PLCXD1: variants seen among roughly 807,000 people sequenced by gnomAD.
The protein encoded by PLCXD1 is phosphatidylinositol specific phospholipase C X domain containing 1, also known as PI-PLC X domain-containing protein 1.
PLCXD1 carries 45 observed loss-of-function variants against 37.8 expected under a neutral mutation model. The ratio of observed to expected loss-of-function variants is 1.19; its 90% CI spans 0.94 to 1.53. The LOEUF (loss-of-function observed/expected upper bound fraction) is 1.53. PLCXD1 is among the 40% of genes most tolerant of loss of function. The pLI is 0.00. For synonymous variants in PLCXD1, 246 were observed against 206.9 expected (o/e 1.19, Z -1.62); for missense variants, 539 against 454.7 (o/e 1.19, Z -1.69).
At position 300,810 on chromosome X, in the gene PLCXD1, TCTC is replaced by T. The variant is rs1451062520; in HGVS notation, c.*1478_*1480del. 6.6e-6 allele frequency: 1 copy of T among 150,446 alleles called. No individual in the cohort carries two copies. The highest frequency in any genetic ancestry group is 1.5e-5 in the Non-Finnish European group (1 of 67,622). 9.3% of individuals were successfully genotyped at this position (150,446 alleles called of 1,614,324 possible). ...CCTCCGCCTCCCTGGTTCAAGCAAT[TCTC>T]CTGCCTCCGCCTCCCGAGTAGCTGG... On this transcript the variant is annotated 3_prime_UTR_variant, in exon 7 of 7. Coordinates refer to ENST00000381657, the MANE Select transcript of PLCXD1 (RefSeq NM_018390.4).
At chrX:290,230 G>A (rs148854827) in intron 3 of PLCXD1, among the ~76,000 whole-genome samples, 2,810 of 152,104 alleles carry the variant, frequency 0.018, 70 homozygotes, top group African/African-American at 0.056. Flanking sequence ...GATCGAGACC[G>A]TCCTGGCTAA....
intron 5 of PLCXD1, among the ~76,000 whole-genome samples, chrX:292,749 A>T (rs1398346666): frequency 1.3e-5 from 2 of 151,800 alleles, no homozygotes; most frequent in Non-Finnish European, 2.9e-5. Context: ...ACTAGCCGGG[A>T]TGACAGGCGT....
Position 297,497 on chromosome X carries a change from T to G in PLCXD1, c.734-1600T>G, listed in dbSNP as rs1307103976. ...ACATGGGGATTAGGACGTGGACATC[T>G]TTGGGGCTGTTATTCTGTCTCCCAC... On this transcript the variant is annotated intron_variant, in intron 6 of 6. Transcript: ENST00000381657. Among the ~76,000 whole-genome samples the G allele has an allele frequency of 3.0e-5, 2 of 66,608 alleles. 1 individual carries two copies. Among genetic ancestry groups the G allele is most frequent in the Non-Finnish European group, 5.5e-5 (2 of 36,322 alleles). 43.7% of individuals were successfully genotyped at this position (66,608 alleles called of 152,430 possible).
chrX:282,962 ATG>A (rs1386213058), intron 1 of PLCXD1, among the ~76,000 whole-genome samples: 2 of 145,956 alleles, frequency 1.4e-5, no homozygotes, highest in Non-Finnish European at 3.0e-5. Context: ...TATATTATAT[ATG>A]TATATATTAT....
At chrX:285,328 A>G (rs866905140) in intron 2 of PLCXD1, among the ~76,000 whole-genome samples, 2 of 147,834 alleles carry the variant, frequency 1.4e-5, no homozygotes, top group East Asian at 1.9e-4. Context: ...GCGGGTGTGT[A>G]CACATGCACA....
chrX:284,356 G>A (rs922740950), intron 2 of PLCXD1, 42 bp downstream of exon 2: 5 of 1,609,156 alleles, frequency 3.1e-6, no homozygotes, highest in East Asian at 2.2e-5. Flanking sequence ...TCTATCCCAG[G>A]TGACGGCAGG....
chrX:289,632 C>T (rs1260452327), intron 3 of PLCXD1, among the ~76,000 whole-genome samples: 5 of 151,440 alleles, frequency 3.3e-5, no homozygotes, highest in African/African-American at 1.2e-4. Flanking sequence ...CTGTCTCAGC[C>T]TCCTGAGTAG....
chrX:284,503 C>T (rs28753871), intron 2 of PLCXD1, among the ~76,000 whole-genome samples, 189 bp downstream of exon 2: 53,697 of 152,056 alleles, frequency 0.35, 10,881 homozygotes, highest in East Asian at 0.53. Flanking sequence ...TGTGCATACA[C>T]ATATGTACAT....
upstream of PLCXD1, among the ~76,000 whole-genome samples, chrX:279,639 TG>T (rs2069220580): frequency 6.6e-6 from 1 of 151,880 alleles, no homozygotes; most frequent in Non-Finnish European, 1.5e-5. Flanking sequence ...CTGGGAATGG[TG>T]GCAAGTGCTT....
At chrX:291,963 C>G (rs774068291) in intron 5 of PLCXD1, among the ~76,000 whole-genome samples, 26 of 148,106 alleles carry the variant, frequency 1.8e-4, no homozygotes, top group African/African-American at 6.5e-4. Context: ...GTCAAGAGAT[C>G]GAGACTATCC....
intron 2 of PLCXD1, among the ~76,000 whole-genome samples, chrX:287,976 C>T (rs1276274880): frequency 6.6e-6 from 1 of 150,904 alleles, no homozygotes; most frequent in Non-Finnish European, 1.5e-5. Flanking sequence ...GACCACACGT[C>T]CTCCTGAGGC....
At chrX:295,843 G>C (rs188171834) in intron 6 of PLCXD1, among the ~76,000 whole-genome samples, 6 of 151,042 alleles carry the variant, frequency 4.0e-5, no homozygotes, top group Non-Finnish European at 5.9e-5. Flanking sequence ...TTTTTTGTTT[G>C]TGTGTTTGTT....
In PLCXD1 at chrX:300,208, T is replaced by C. The variant is rs758487693; in HGVS notation, c.*873T>C. 6.6e-6 allele frequency: 1 copy of C among 152,184 alleles called. No individual in the cohort carries two copies. The highest frequency in any genetic ancestry group is 1.5e-5 in the Non-Finnish European group (1 of 68,024). The allele number at this position is 152,184 out of a possible 1,614,324, so 9.4% of individuals were successfully genotyped here. On this transcript the variant is annotated 3_prime_UTR_variant, in exon 7 of 7. Transcript: ENST00000381657. ...AGCCCATAATATGTTTTCTTATTTC[T>C]GTATTCTCCTTGCTGTGGCGTCTGG...
chrX:288,773 C>T lies in PLCXD1; in HGVS notation c.168C>T (p.Ser56=). The change falls in exon 3 of 7, where the codon TCC becomes TCT. Residue 56 remains serine (S), a synonymous_variant. Transcript: ENST00000381657. Reference sequence around the variant, plus strand: ...TGACGTACTGCCTGAACAAGAAGTCCCCCATTTCGCACGAGGAGTCCCGGC... The same window carrying T: ...TGACGTACTGCCTGAACAAGAAGTCTCCCATTTCGCACGAGGAGTCCCGGC... ...DTMTYCLNKK[S]PISHEESRLL... is the part of the protein sequence containing the mutation. The T allele has an allele frequency of 1.2e-6, 2 of 1,613,796 alleles. No homozygotes were observed. Among genetic ancestry groups the T allele is most frequent in the East Asian group, 2.2e-5 (1 of 44,890 alleles).
intron 3 of PLCXD1, among the ~76,000 whole-genome samples, chrX:289,712 T>A (rs1406719041): frequency 6.7e-6 from 1 of 149,072 alleles, no homozygotes; most frequent in Non-Finnish European, 1.5e-5. Context: ...AGGGTTTCAC[T>A]GTGTTAGCCA....
At chrX:286,087 G>A (rs571058304) in intron 2 of PLCXD1, among the ~76,000 whole-genome samples, 165 of 151,148 alleles carry the variant, frequency 1.1e-3, no homozygotes, top group African/African-American at 3.8e-3. Context: ...TTTTTGAGAC[G>A]GAGTTTTGCT....
chrX:288,515 C>T (rs1052403690), intron 2 of PLCXD1, among the ~76,000 whole-genome samples: 2 of 152,176 alleles, frequency 1.3e-5, no homozygotes, highest in African/African-American at 4.8e-5. Flanking sequence ...CTCATTTCAA[C>T]CTAATGATAT....
Position 284,204 on chromosome X carries a change from G to A in PLCXD1, c.17G>A (p.Ser6Asn). The A allele has an allele frequency of 6.2e-7, 1 of 1,613,380 alleles. No individual in the cohort carries two copies. The highest frequency in any genetic ancestry group is 8.5e-7 in the Non-Finnish European group (1 of 1,179,838). MGGQV[S>N]ASNSFSRLHC... is the part of the protein sequence containing the mutation. ...TCACCTCTGATGGGTGGGCAGGTGA[G>A]CGCTTCCAACAGCTTCTCGAGGCTG... The change falls in exon 2 of 7, where the codon AGC becomes AAC. Residue 6 changes from serine (S) to asparagine (N), a missense_variant. Transcript: ENST00000381657.
intron 6 of PLCXD1, among the ~76,000 whole-genome samples, chrX:293,949 G>A (rs893143878): frequency 1.3e-5 from 2 of 152,198 alleles, no homozygotes; most frequent in African/African-American, 2.4e-5. Flanking sequence ...ACTAGGGAGA[G>A]GTCGGAGTTG....
Sources: allele counts gnomAD v4.1 joint callset (sites outside exome capture counted in the v4.1 genomes callset), GRCh38; gene constraint gnomAD v4.1.1; transcripts MANE v1.5; gene names NCBI Gene and HGNC (gene_info 2026-07-23, HGNC 2026-07-21).